Variants in SFMBT2 observed in about 807,000 individuals in gnomAD.
The protein encoded by SFMBT2 is Scm like with four mbt domains 2.
Under a neutral mutation model 110.1 loss-of-function variants are expected in SFMBT2, and 38 were observed. That is an observed-to-expected ratio of 0.35 (90% CI 0.27 to 0.45). SFMBT2 has a LOEUF of 0.45. Among genes scored for constraint, SFMBT2 ranks in the 20% least tolerant of loss-of-function variants. The pLI, the probability that SFMBT2 is intolerant of heterozygous loss-of-function variation, is 1.00. For synonymous variants in SFMBT2, 425 were observed against 425.4 expected (o/e 1.00, Z 0.01); for missense variants, 1,011 against 1,094.9 (o/e 0.92, Z 1.08).
Position 7,301,070 on chromosome 10 carries a change from A to G in SFMBT2, c.437-15116T>C, listed in dbSNP as rs558838454. ...TGTAAGCAGGTAACTCAGTGAAGGA[A>G]GGAGTAAACCCCAGATACCGTGGAA... On this transcript the variant is annotated intron_variant, in intron 4 of 20. Coordinates refer to ENST00000397167, the MANE Select transcript of SFMBT2 (RefSeq NM_001387889.1). This position sits in a 1 kb window ranked among gnomAD's most constrained non-coding sequence, Gnocchi z 4.2. Among the ~76,000 whole-genome samples, 18 of 152,246 alleles carry G rather than the reference A, an allele frequency of 1.2e-4. No individual in the cohort carries two copies. The highest frequency in any genetic ancestry group is 2.2e-4 in the Non-Finnish European group (15 of 68,038).
chr10:7,348,443 C>A, intron 4 of SFMBT2: 3 of 888,506 alleles, frequency 3.4e-6, no homozygotes, highest in Non-Finnish European at 4.6e-6. Flanking sequence ...TCATTAAGGG[C>A]TTTTCAAAAA....
At position 7,243,550 on chromosome 10, in the gene SFMBT2, A is replaced by C; in HGVS notation, c.1120+8T>G. On this transcript the variant is annotated splice_region_variant and intron_variant, in intron 9 of 20. Transcript: ENST00000397167. ...TCCAGACCCTGCATACCTTCACAGA[A>C]TACAAACCTTTGGGAGGAGTGAGGC... The C allele has an allele frequency of 1.1e-6, 1 of 872,702 alleles. No individual in the cohort carries two copies. 54.1% of individuals were successfully genotyped at this position (872,702 alleles called of 1,614,324 possible). A position where few individuals can be genotyped will look rare whatever the true frequency, so the allele number is the denominator to read the frequency against.
chr10:7,198,994 T>C (rs112291798), intron 14 of SFMBT2, among the ~76,000 whole-genome samples: 25,246 of 152,206 alleles, frequency 0.17, 2,526 homozygotes, highest in African/African-American at 0.27. Flanking sequence ...TTGTTTTGTT[T>C]TTGAGACAGG....
At chr10:7,410,039 A>C (rs1846330427) in intron 1 of SFMBT2, among the ~76,000 whole-genome samples, 1 of 152,184 alleles carries the variant, frequency 6.6e-6, no homozygotes, top group Non-Finnish European at 1.5e-5. Context: ...GATTTCTGCA[A>C]AACATACACA....
intron 7 of SFMBT2, among the ~76,000 whole-genome samples, chr10:7,268,574 G>T (rs548152884): frequency 6.6e-6 from 1 of 151,782 alleles, no homozygotes; most frequent in Admixed American, 6.6e-5. Context: ...GCAGTGGCAC[G>T]ATCTCGGCTC....
chr10:7,320,324 G>C (rs74116455), intron 4 of SFMBT2, among the ~76,000 whole-genome samples: 1 of 152,138 alleles, frequency 6.6e-6, no homozygotes, highest in African/African-American at 2.4e-5. Flanking sequence ...CAATCATGTG[G>C]TAAGTGTTCT....
rs1588772091 is a variant in SFMBT2 at position 7,180,470 on chromosome 10, C to A, written c.1809-4305G>T. The stretch of plus-strand genomic sequence containing the variant: ...AGGGTTTTGCAAAAAGCTGCCTTGG[C>A]CCTGCCCTTCCCAGAAGGGCCCCAT... On this transcript the variant is annotated intron_variant, in intron 16 of 20. Coordinates refer to ENST00000397167, the MANE Select transcript of SFMBT2 (RefSeq NM_001387889.1). 3.3e-5 allele frequency among the ~76,000 whole-genome samples: 5 copies of A among 152,066 alleles called. No individual in the cohort carries two copies. The South Asian group carries it at 1.0e-3, about 32-fold the overall frequency.
intron 7 of SFMBT2, among the ~76,000 whole-genome samples, chr10:7,263,734 A>G (rs2692780): frequency 0.9 from 137,032 of 152,278 alleles, 61,717 homozygotes; most frequent in Admixed American, 0.93. Context: ...AAGTGTTTGA[A>G]TGTTGCTGCA....
At chr10:7,196,855 C>G (rs1241250408) in intron 15 of SFMBT2, among the ~76,000 whole-genome samples, 2 of 152,184 alleles carry the variant, frequency 1.3e-5, no homozygotes, top group Non-Finnish European at 2.9e-5. Flanking sequence ...TGTCTCCAAG[C>G]ACTGTCTGAG....
chr10:7,315,854 G>C (rs1842995799), intron 4 of SFMBT2, among the ~76,000 whole-genome samples: 1 of 152,190 alleles, frequency 6.6e-6, no homozygotes, highest in Non-Finnish European at 1.5e-5. Context: ...CTTGCTAGAA[G>C]TCTTAATGTA....
At chr10:7,324,491 G>A (rs113767959) in intron 4 of SFMBT2, among the ~76,000 whole-genome samples, 2,996 of 152,266 alleles carry the variant, frequency 0.02, 104 homozygotes, top group African/African-American at 0.067. Context: ...AACTGCAGCC[G>A]AGGATCTTGT....
intron 4 of SFMBT2, among the ~76,000 whole-genome samples, chr10:7,290,097 C>G (rs757120788): frequency 6.6e-6 from 1 of 152,132 alleles, no homozygotes; most frequent in Non-Finnish European, 1.5e-5. Context: ...AAAACCTGCC[C>G]TGCGCCCAAC....
chr10:7,391,340 C>T (rs1340456300), intron 1 of SFMBT2, among the ~76,000 whole-genome samples: 5 of 150,684 alleles, frequency 3.3e-5, no homozygotes, highest in Admixed American at 1.3e-4. Flanking sequence ...GTGGCACGTG[C>T]GTATAATCCC....
intron 10 of SFMBT2, among the ~76,000 whole-genome samples, chr10:7,221,229 T>A (rs1316502814): frequency 6.6e-6 from 1 of 152,204 alleles, no homozygotes; most frequent in Admixed American, 6.5e-5. Flanking sequence ...CCATCCGGCA[T>A]CATTTTCCTT....
At chr10:7,335,336 A>G (rs1233024091) in intron 4 of SFMBT2, among the ~76,000 whole-genome samples, 1 of 152,172 alleles carries the variant, frequency 6.6e-6, no homozygotes, top group South Asian at 2.1e-4. Flanking sequence ...AACAAAAACC[A>G]TGACCCAACT....
At chr10:7,190,899 T>C (rs76565996) in intron 15 of SFMBT2, among the ~76,000 whole-genome samples, 9,476 of 152,244 alleles carry the variant, frequency 0.062, 401 homozygotes, top group Non-Finnish European at 0.088. Context: ...TGGGAGGTAA[T>C]TGAATTGTAG....
intron 15 of SFMBT2, chr10:7,189,272 T>C: frequency 1.5e-6 from 1 of 683,728 alleles, no homozygotes; most frequent in Non-Finnish European, 1.8e-6. Context: ...CCCTCTGAAA[T>C]GTGAATATTT....
chr10:7,338,848 G>A lies in SFMBT2; in HGVS notation c.436+28801C>T, dbSNP rs141476395. 5.8e-3 allele frequency among the ~76,000 whole-genome samples: 886 copies of A among 152,234 alleles called. 6 individuals carry two copies. Among genetic ancestry groups the A allele is most frequent in the African/African-American group, 0.019 (808 of 41,540 alleles). On this transcript the variant is annotated intron_variant, in intron 4 of 20. Transcript: ENST00000397167. ...TGCATGCAGTCTGCACTCTTCCCAG[G>A]TTATTTTGTCTCTCAATGTTACAAC...
At chr10:7,401,667 G>C (rs1846086865) in intron 1 of SFMBT2, among the ~76,000 whole-genome samples, 1 of 152,120 alleles carries the variant, frequency 6.6e-6, no homozygotes, top group Admixed American at 6.6e-5. Context: ...GATCAACCCT[G>C]ATCTTCCTCC....
Sources: allele counts gnomAD v4.1 joint callset (sites outside exome capture counted in the v4.1 genomes callset), GRCh38; gene constraint gnomAD v4.1.1; non-coding constraint Gnocchi (gnomAD v3.1); transcripts MANE v1.5; gene names NCBI Gene and HGNC (gene_info 2026-07-23, HGNC 2026-07-21).